Variants in GSG1L observed in about 807,000 individuals in gnomAD.
GSG1L encodes GSG1 like.
Under a neutral mutation model 42.1 loss-of-function variants are expected in GSG1L, and 24 were observed. That is an observed-to-expected ratio of 0.57 (90% CI 0.41 to 0.80). The LOEUF (loss-of-function observed/expected upper bound fraction) is 0.80, where lower values mean the gene tolerates loss of function less well. Ranked by LOEUF, GSG1L falls within the 30% of genes least tolerant of loss-of-function variation. The pLI, the probability that GSG1L is intolerant of heterozygous loss-of-function variation, is 0.00. For missense variants in GSG1L, 445 were observed against 472.2 expected, an observed-to-expected ratio of 0.94 and a Z score of 0.53; for synonymous variants, 215 against 203.5, an observed-to-expected ratio of 1.06 and a Z score of -0.48.
At chr16:27,824,017 A>C in intron 5 of GSG1L, 1 of 681,922 alleles carries the variant, frequency 1.5e-6, no homozygotes, top group Non-Finnish European at 2.7e-6. Context: ...ATACAGGGCC[A>C]CAGATAATAA....
At chr16:28,041,506 T>G (rs758996328) in intron 1 of GSG1L, among the ~76,000 whole-genome samples, 7 of 152,082 alleles carry the variant, frequency 4.6e-5, no homozygotes, top group Non-Finnish European at 7.4e-5. Context: ...ATAATTCTAA[T>G]GTACATCCAG....
intron 3 of GSG1L, among the ~76,000 whole-genome samples, chr16:27,867,160 T>C (rs2083738620): frequency 6.6e-6 from 1 of 152,266 alleles, no homozygotes; most frequent in African/African-American, 2.4e-5. Context: ...AGTCCTGCCC[T>C]AAGACTCATG....
intron 5 of GSG1L, among the ~76,000 whole-genome samples, chr16:27,815,390 A>T (rs373696776): frequency 2.6e-5 from 4 of 152,164 alleles, no homozygotes; most frequent in Admixed American, 2.0e-4. Flanking sequence ...CTGAGGCCTC[A>T]CCAGAAGCTG....
At chr16:27,898,265 G>A (rs557737378) in intron 2 of GSG1L, among the ~76,000 whole-genome samples, 92 of 152,272 alleles carry the variant, frequency 6.0e-4, no homozygotes, top group African/African-American at 2.0e-3. Context: ...CACACAGGCT[G>A]GGGGCCTGGA....
chr16:27,830,240 G>A (rs1201077936), intron 4 of GSG1L, among the ~76,000 whole-genome samples: 1 of 152,160 alleles, frequency 6.6e-6, no homozygotes, highest in Non-Finnish European at 1.5e-5. Flanking sequence ...CTCTGCCTTG[G>A]TAACTGGTTT....
intron 3 of GSG1L, among the ~76,000 whole-genome samples, chr16:27,851,695 G>A (rs1205242047): frequency 2.6e-5 from 4 of 152,212 alleles, no homozygotes; most frequent in East Asian, 3.9e-4. Context: ...TGTGAGATCC[G>A]TGCTCATGAA....
At chr16:27,817,682 T>C (rs1165105249) in intron 5 of GSG1L, among the ~76,000 whole-genome samples, 1 of 152,170 alleles carries the variant, frequency 6.6e-6, no homozygotes, top group East Asian at 1.9e-4. Context: ...CAATCTGTCT[T>C]GAACCAATTT....
chr16:28,003,057 A>G (rs2085597282), intron 1 of GSG1L, among the ~76,000 whole-genome samples: 1 of 152,244 alleles, frequency 6.6e-6, no homozygotes, highest in African/African-American at 2.4e-5. Flanking sequence ...CTGGAGAAAC[A>G]GCAAAGAGGC....
At chr16:28,013,501 C>T (rs112851918) in intron 1 of GSG1L, among the ~76,000 whole-genome samples, 1 of 152,314 alleles carries the variant, frequency 6.6e-6, no homozygotes, top group African/African-American at 2.4e-5. Flanking sequence ...GGGCCCAGAA[C>T]AGTGCTTGGC....
rs1491546311 is a variant in GSG1L at position 27,947,565 on chromosome 16, GAA to G, written c.397+15589_397+15590del. Among the ~76,000 whole-genome samples the G allele has an allele frequency of 2.7e-4, 23 of 86,678 alleles. 1 individual carries two copies. Among genetic ancestry groups the G allele is most frequent in the African/African-American group, 7.0e-4 (17 of 24,290 alleles). 56.9% of individuals were successfully genotyped at this position (86,678 alleles called of 152,430 possible). On this transcript the variant is annotated intron_variant, in intron 2 of 6. Transcript: ENST00000447459. ...GGAAAGAAAGAAAGAAAGAAAGAAAGAAAGAAAGAAAGAAAGAAAGAAAGAAA... is the reference window on the plus strand; with the variant it reads ...GGAAAGAAAGAAAGAAAGAAAGAAAGAGAAAGAAAGAAAGAAAGAAAGAAA...
At chr16:27,834,866 C>A (rs1358622984) in intron 4 of GSG1L, among the ~76,000 whole-genome samples, 2 of 152,124 alleles carry the variant, frequency 1.3e-5, no homozygotes, top group African/African-American at 4.8e-5. Flanking sequence ...GTCAAAGAAC[C>A]AGCTTTTTTG....
chr16:28,028,251 T>A (rs1596712931), intron 1 of GSG1L, among the ~76,000 whole-genome samples: 1 of 152,120 alleles, frequency 6.6e-6, no homozygotes, highest in South Asian at 2.1e-4. Flanking sequence ...GCCAAGGGAG[T>A]TATTACATGA....
At chr16:28,051,470 C>G (rs545011090) in intron 1 of GSG1L, among the ~76,000 whole-genome samples, 1 of 148,264 alleles carries the variant, frequency 6.7e-6, no homozygotes, top group Non-Finnish European at 1.5e-5. Flanking sequence ...TGAGGTAGAT[C>G]GAGCAATTGG....
chr16:27,978,270 G>GAGAA (rs1050631416), intron 1 of GSG1L, among the ~76,000 whole-genome samples: 11 of 152,320 alleles, frequency 7.2e-5, no homozygotes, highest in South Asian at 2.1e-4. Flanking sequence ...TGGTTTAATT[G>GAGAA]AGAAAGAAGC....
intron 3 of GSG1L, among the ~76,000 whole-genome samples, chr16:27,864,929 G>C (rs552528243): frequency 4.9e-4 from 75 of 152,244 alleles, no homozygotes; most frequent in African/African-American, 1.7e-3. Context: ...ATTCACAGAG[G>C]CTCCCACTGA....
At chr16:28,038,854 A>G (rs2086071869) in intron 1 of GSG1L, among the ~76,000 whole-genome samples, 1 of 152,234 alleles carries the variant, frequency 6.6e-6, no homozygotes, top group Non-Finnish European at 1.5e-5. Context: ...ACATTTCTGT[A>G]ACATTCTGCC....
chr16:27,832,188 T>C lies in GSG1L; in HGVS notation c.663-3232A>G, dbSNP rs79420684. The stretch of plus-strand genomic sequence containing the variant: ...TTTTTCCTTTTGAGATAATTACAGA[T>C]TCACAAACAGCTGTAAGAAATGATA... On this transcript the variant is annotated intron_variant, in intron 4 of 6. Coordinates refer to ENST00000447459, the MANE Select transcript of GSG1L (RefSeq NM_001109763.2). Among the ~76,000 whole-genome samples the C allele has an allele frequency of 8.1e-3, 1,241 of 152,320 alleles. 68 individuals carry two copies. In the South Asian group the frequency reaches 0.12, roughly 14 times the overall value.
At chr16:27,907,455 T>A (rs1368358619) in intron 2 of GSG1L, among the ~76,000 whole-genome samples, 1 of 152,264 alleles carries the variant, frequency 6.6e-6, no homozygotes, top group Non-Finnish European at 1.5e-5. Context: ...CAAGGATGTC[T>A]GTCCCAGCCC....
intron 2 of GSG1L, among the ~76,000 whole-genome samples, chr16:27,888,576 T>A (rs1258031217): frequency 2.1e-5 from 3 of 141,188 alleles, no homozygotes; most frequent in Admixed American, 7.4e-5. Context: ...TCTTTCTTTC[T>A]TTCTTTCTCC....
Sources: gnomAD v4.1 joint callset for allele counts (sites outside exome capture counted in the v4.1 genomes callset) on GRCh38, gnomAD v4.1.1 for gene constraint, MANE v1.5 for transcripts, NCBI Gene and HGNC (gene_info 2026-07-23, HGNC 2026-07-21) for gene names.